Variants in CTNND2 observed in about 807,000 individuals in gnomAD.
CTNND2 encodes the protein catenin delta-2.
In CTNND2, 22 loss-of-function variants were observed where a neutral mutation model predicts 144.4. That is an observed-to-expected ratio of 0.15 (90% CI 0.11 to 0.22). The LOEUF (loss-of-function observed/expected upper bound fraction) is 0.22, where lower values mean the gene tolerates loss of function less well. Ranked by LOEUF, CTNND2 falls within the 10% of genes least tolerant of loss-of-function variation. The pLI, the probability that CTNND2 is intolerant of heterozygous loss-of-function variation, is 1.00. For missense variants in CTNND2, 1,353 were observed against 1,618.8 expected (o/e 0.84, Z 2.82); for synonymous variants, 751 against 695.6 (o/e 1.08, Z -1.25).
chr5:11,079,415 C>T (rs957658473), intron 16 of CTNND2, among the ~76,000 whole-genome samples: 14 of 152,186 alleles, frequency 9.2e-5, no homozygotes, highest in Non-Finnish European at 1.5e-5. Flanking sequence ...ACACCAGATG[C>T]CTACCAGCCA....
At chr5:11,469,709 T>G (rs890942106) in intron 3 of CTNND2, among the ~76,000 whole-genome samples, 8 of 152,238 alleles carry the variant, frequency 5.3e-5, no homozygotes, top group Admixed American at 2.0e-4. Flanking sequence ...ATAATTTATT[T>G]TTCTTAGGTA....
intron 3 of CTNND2, among the ~76,000 whole-genome samples, chr5:11,545,904 T>C (rs1356839004): frequency 6.6e-6 from 1 of 152,192 alleles, no homozygotes; most frequent in Non-Finnish European, 1.5e-5. Flanking sequence ...AATTTATCCA[T>C]ACATACTTCT....
intron 3 of CTNND2, among the ~76,000 whole-genome samples, chr5:11,523,802 C>A (rs905122189): frequency 2.0e-5 from 3 of 152,168 alleles, no homozygotes; most frequent in African/African-American, 7.2e-5. Flanking sequence ...GTCCTACTCA[C>A]TGGTGCCCTT....
chr5:11,312,918 C>G (rs1324733149), intron 9 of CTNND2, among the ~76,000 whole-genome samples: 58 of 152,212 alleles, frequency 3.8e-4, no homozygotes, highest in Non-Finnish European at 2.1e-4. Flanking sequence ...CCATTAAAAT[C>G]AATTCAAACT....
At chr5:11,532,990 C>T (rs1227458841) in intron 3 of CTNND2, among the ~76,000 whole-genome samples, 1 of 152,164 alleles carries the variant, frequency 6.6e-6, no homozygotes, top group Non-Finnish European at 1.5e-5. Context: ...ATTAATGCCT[C>T]TTTATGAGAT....
intron 1 of CTNND2, among the ~76,000 whole-genome samples, chr5:11,785,917 A>G (rs1426180614): frequency 3.3e-5 from 5 of 152,236 alleles, no homozygotes; most frequent in African/African-American, 2.4e-5. Flanking sequence ...CAGACTCTTC[A>G]TGAGTCAGCC....
At position 10,992,621 on chromosome 5, in the gene CTNND2, C is replaced by T. The variant is rs780747859; in HGVS notation, c.3141G>A (p.Arg1047=). The T allele has an allele frequency of 6.2e-7, 1 of 1,614,070 alleles. No individual in the cohort carries two copies. Among genetic ancestry groups the T allele is most frequent in the East Asian group, 2.2e-5 (1 of 44,868 alleles). ...VASSSTIERD[R]QRPYSSSRTP... ...TGCGGGAGGAGGAGTAGGGCCTTTGCCGGTCCCTCTCGATGGTTGAAGACG... is the reference window on the plus strand; with the variant it reads ...TGCGGGAGGAGGAGTAGGGCCTTTGTCGGTCCCTCTCGATGGTTGAAGACG... Residue 1047 remains arginine, a synonymous_variant, in exon 19 of 22, where the codon CGG becomes CGA. Transcript: ENST00000304623.
intron 12 of CTNND2, among the ~76,000 whole-genome samples, chr5:11,140,304 C>T (rs1253311507): frequency 2.0e-5 from 3 of 152,194 alleles, no homozygotes; most frequent in Admixed American, 6.5e-5. Flanking sequence ...AGTGTATTCA[C>T]AAGACTGTCC....
Position 11,175,332 on chromosome 5 carries a change from TA to T in CTNND2, c.1976-15574del, listed in dbSNP as rs200193765. On this transcript the variant is annotated intron_variant, in intron 11 of 21. Transcript: ENST00000304623. ...GGTAATATTAAAATCTTCAGCCTAT[TA>T]AAAAGGGATAAAGAATAAAGTAAGA... Among the ~76,000 whole-genome samples the T allele has an allele frequency of 5.3e-3, 803 of 152,262 alleles. 9 individuals are homozygous for T. The highest frequency in any genetic ancestry group is 0.018 in the African/African-American group (760 of 41,562).
At chr5:11,850,980 A>G (rs1333731881) in intron 1 of CTNND2, among the ~76,000 whole-genome samples, 1 of 152,222 alleles carries the variant, frequency 6.6e-6, no homozygotes, top group Non-Finnish European at 1.5e-5. Context: ...AAAGCAGATC[A>G]CCAGCCATCA....
intron 11 of CTNND2, among the ~76,000 whole-genome samples, chr5:11,173,233 G>A (rs1760115724): frequency 6.6e-6 from 1 of 152,244 alleles, no homozygotes; most frequent in Non-Finnish European, 1.5e-5. Flanking sequence ...GCAGTCAGAG[G>A]GCAGGAGGAG....
chr5:11,830,746 G>A (rs1265050417), intron 1 of CTNND2, among the ~76,000 whole-genome samples: 1 of 152,068 alleles, frequency 6.6e-6, no homozygotes, highest in Non-Finnish European at 1.5e-5. Context: ...GAGGAAGCTG[G>A]GAACCCTGCA....
Position 11,521,055 on chromosome 5 carries a change from A to G in CTNND2, c.287+43889T>C, listed in dbSNP as rs181259632. Among the ~76,000 whole-genome samples the G allele has an allele frequency of 2.3e-3, 346 of 152,304 alleles. 2 individuals carry two copies. Among genetic ancestry groups the G allele is most frequent in the African/African-American group, 7.9e-3 (329 of 41,568 alleles). ...ATTTTGTATTTTAAGTCATAGGAAA[A>G]TAGAGGGGTAATTCGAATTTTCAAG... On this transcript the variant is annotated intron_variant, in intron 3 of 21. Coordinates refer to ENST00000304623, the MANE Select transcript of CTNND2 (RefSeq NM_001332.4).
chr5:11,445,678 C>T (rs181148337), intron 3 of CTNND2, among the ~76,000 whole-genome samples: 20 of 152,356 alleles, frequency 1.3e-4, no homozygotes, highest in East Asian at 1.9e-4. Flanking sequence ...AGCCCACTTA[C>T]GGAGGCTTTC....
At chr5:11,407,848 C>T (rs143357882) in intron 5 of CTNND2, among the ~76,000 whole-genome samples, 1,887 of 150,534 alleles carry the variant, frequency 0.013, 147 homozygotes, top group Admixed American at 0.11. Flanking sequence ...TGTTTCTATA[C>T]GGGAGAGGTA....
At chr5:10,979,656 ACT>A (rs376019453) in intron 21 of CTNND2, among the ~76,000 whole-genome samples, 7 of 149,938 alleles carry the variant, frequency 4.7e-5, no homozygotes, top group Non-Finnish European at 4.5e-5. Flanking sequence ...ACACACATAT[ACT>A]CTCTCTCTCT....
At chr5:11,586,298 A>G (rs575786564) in intron 2 of CTNND2, among the ~76,000 whole-genome samples, 61 of 152,192 alleles carry the variant, frequency 4.0e-4, no homozygotes, top group Non-Finnish European at 6.3e-4. Context: ...CATCCCAGGT[A>G]CTAGTTCTCA....
At chr5:11,450,830 G>A (rs1160806298) in intron 3 of CTNND2, among the ~76,000 whole-genome samples, 4 of 150,266 alleles carry the variant, frequency 2.7e-5, no homozygotes, top group East Asian at 3.9e-4. Flanking sequence ...CCCGGGAGGC[G>A]GAGGTTACAG....
At chr5:11,303,061 T>C (rs2150036153) in intron 9 of CTNND2, among the ~76,000 whole-genome samples, 1 of 152,296 alleles carries the variant, frequency 6.6e-6, no homozygotes, top group South Asian at 2.1e-4. Flanking sequence ...TAATGTAATG[T>C]TCCAAGTATG....
Sources: allele counts gnomAD v4.1 joint callset (sites outside exome capture counted in the v4.1 genomes callset), GRCh38; gene constraint gnomAD v4.1.1; transcripts MANE v1.5; gene names NCBI Gene and HGNC (gene_info 2026-07-23, HGNC 2026-07-21).